Variants in PCCB observed in about 807,000 individuals in gnomAD.
The protein encoded by PCCB is propionyl-CoA carboxylase beta chain, mitochondrial.
A neutral mutation model predicts 60.7 loss-of-function variants in PCCB; 43 were observed. That is an observed-to-expected ratio of 0.71 (90% confidence interval 0.55 to 0.91). The LOEUF (loss-of-function observed/expected upper bound fraction) is 0.91. Among genes scored for constraint, PCCB ranks in the 40% least tolerant of loss-of-function variants. PCCB has a pLI of 0.00. For missense variants in PCCB, 766 were observed against 702.8 expected, an observed-to-expected ratio of 1.09 and a Z score of -1.02; for synonymous variants, 276 against 255.9, an observed-to-expected ratio of 1.08 and a Z score of -0.75.
rs1196295304 is a variant in PCCB at position 136,305,831 on chromosome 3, A to G, written c.966+4720A>G. 1.6e-5 allele frequency among the ~76,000 whole-genome samples: 2 copies of G among 121,622 alleles called. 1 individual carries two copies. The highest frequency in any genetic ancestry group is 3.7e-5 in the Non-Finnish European group (2 of 54,602). 79.8% of individuals were successfully genotyped at this position (121,622 alleles called of 152,430 possible). On this transcript the variant is annotated intron_variant, in intron 9 of 14. Transcript: ENST00000251654. ...CTTTAGAAGCTACTTAAGAGTGCAC[A>G]CACAAATCAATACGGTAGTCAGGGG...
rs139703683 is a variant in PCCB, at chr3:136,286,801, C to T, written c.654+2854C>T. On this transcript the variant is annotated intron_variant, in intron 6 of 14. Coordinates refer to ENST00000251654, the MANE Select transcript of PCCB (RefSeq NM_000532.5). The stretch of plus-strand genomic sequence containing the variant: ...CAGTGAGCGCTTTGGGAGGCTGAGG[C>T]GGGTGGATCACTTGAGGCTAGTAGT... 8.2e-4 allele frequency among the ~76,000 whole-genome samples: 125 copies of T among 152,108 alleles called. 1 individual carries two copies. Among genetic ancestry groups the T allele is most frequent in the African/African-American group, 2.7e-3 (110 of 41,502 alleles).
At chr3:136,252,662 ATTTTTTTT>A (rs962722858) in intron 1 of PCCB, among the ~76,000 whole-genome samples, 1 of 120,910 alleles carries the variant, frequency 8.3e-6, no homozygotes, top group Non-Finnish European at 1.7e-5. Flanking sequence ...TACCCAGCTA[ATTTTTTTT>A]TTTTTTTTTT....
intron 5 of PCCB, among the ~76,000 whole-genome samples, chr3:136,282,686 A>G (rs1942511881): frequency 6.6e-6 from 1 of 152,162 alleles, no homozygotes; most frequent in Non-Finnish European, 1.5e-5. Context: ...AAGAAAAGAG[A>G]ACTATACTTA....
Position 136,270,566 on chromosome 3 carries a change from C to G in PCCB, c.543+8501C>G, listed in dbSNP as rs77329453. 4.9e-3 allele frequency among the ~76,000 whole-genome samples: 738 copies of G among 152,082 alleles called. 8 individuals carry two copies. Among genetic ancestry groups the G allele is most frequent in the African/African-American group, 0.017 (718 of 41,468 alleles). ...TGTTTCTCAGGCTGGAGTACAATGG[C>G]GCGATCTCGGCTCACTGCAGTCTCC... On this transcript the variant is annotated intron_variant, in intron 5 of 14. Transcript: ENST00000251654.
At chr3:136,267,133 C>T (rs1942024416) in intron 5 of PCCB, among the ~76,000 whole-genome samples, 1 of 152,068 alleles carries the variant, frequency 6.6e-6, no homozygotes, top group Non-Finnish European at 1.5e-5. Flanking sequence ...GATCTGCCTC[C>T]CTTGGCCTCT....
intron 5 of PCCB, among the ~76,000 whole-genome samples, chr3:136,268,080 G>GTGTT (rs1445512159): frequency 9.8e-6 from 1 of 101,654 alleles, no homozygotes; most frequent in Non-Finnish European, 2.0e-5. Context: ...GTGTGTGTGT[G>GTGTT]TGTGTAGATA....
At chr3:136,255,738 G>A (rs1356213636) in intron 1 of PCCB, 118 bp from the exon 2 acceptor site, 8 of 858,568 alleles carry the variant, frequency 9.3e-6, no homozygotes, top group Middle Eastern at 3.1e-4. Flanking sequence ...TAGAATGAAA[G>A]TACTTGCATT....
chr3:136,266,995 G>A (rs1168718592), intron 5 of PCCB, among the ~76,000 whole-genome samples: 2 of 152,084 alleles, frequency 1.3e-5, no homozygotes, highest in Non-Finnish European at 2.9e-5. Flanking sequence ...TGATTCTCGT[G>A]CCTCAGTCAC....
At chr3:136,300,800 T>A (rs1410005097) in intron 8 of PCCB, among the ~76,000 whole-genome samples, 2 of 152,218 alleles carry the variant, frequency 1.3e-5, no homozygotes. Context: ...AAACTCATTT[T>A]TTCCTCTAAA....
At chr3:136,269,913 G>A (rs1418118841) in intron 5 of PCCB, among the ~76,000 whole-genome samples, 1 of 148,814 alleles carries the variant, frequency 6.7e-6, no homozygotes, top group Non-Finnish European at 1.5e-5. Flanking sequence ...AAAAATAAGA[G>A]TGGACATCCT....
intron 5 of PCCB, among the ~76,000 whole-genome samples, chr3:136,270,107 T>G (rs891320794): frequency 1.1e-4 from 16 of 152,010 alleles, no homozygotes; most frequent in African/African-American, 3.4e-4. Flanking sequence ...TGCTTTTTTC[T>G]GCATCTGTGA....
chr3:136,282,549 C>T (rs1942508249), intron 5 of PCCB, among the ~76,000 whole-genome samples: 2 of 152,114 alleles, frequency 1.3e-5, no homozygotes, highest in South Asian at 4.1e-4. Context: ...TGACTTAATT[C>T]TGGTAAGACA....
intron 6 of PCCB, among the ~76,000 whole-genome samples, chr3:136,292,866 T>C (rs1277898141): frequency 2.0e-5 from 3 of 152,154 alleles, no homozygotes; most frequent in Non-Finnish European, 4.4e-5. Flanking sequence ...ATTGGAGGCC[T>C]GGAAGTAAGG....
rs1553773141 is a variant in PCCB at position 136,250,364 on chromosome 3, G to A, written c.-12G>A. On this transcript the variant is annotated 5_prime_UTR_variant, in exon 1 of 15. Coordinates refer to ENST00000251654, the MANE Select transcript of PCCB (RefSeq NM_000532.5). ...CAGGTGCGCCGGTAGGGGACGCGCC[G>A]GCACAGCAAAAATGGCGGCGGCATT... The A allele has an allele frequency of 1.3e-6, 2 of 1,512,224 alleles. No individual in the cohort carries two copies. Among genetic ancestry groups the A allele is most frequent in the Admixed American group, 2.1e-5 (1 of 48,166 alleles). 93.7% of individuals were successfully genotyped at this position (1,512,224 alleles called of 1,614,324 possible).
At position 136,327,611 on chromosome 3, in the gene PCCB, C is replaced by G. The variant is rs761313991; in HGVS notation, c.1300-23C>G. Reference sequence around the variant, plus strand: ...GATCTGGCTGTCTCAGGCTCTAACACTCAGCATTTGGATCTGTTTTAGGCC... The same window carrying G: ...GATCTGGCTGTCTCAGGCTCTAACAGTCAGCATTTGGATCTGTTTTAGGCC... On this transcript the variant is annotated intron_variant, in intron 12 of 14. Transcript: ENST00000251654. The G allele has an allele frequency of 3.8e-6, 6 of 1,565,216 alleles. No homozygotes were observed. In the South Asian group the frequency reaches 5.5e-5, roughly 14 times the overall value.
rs1005155227 is a variant in PCCB, at chr3:136,330,134, T to G, written c.*108T>G. The G allele has an allele frequency of 6.3e-7, 1 of 1,581,968 alleles. No individual in the cohort carries two copies. Among genetic ancestry groups the G allele is most frequent in the Non-Finnish European group, 8.6e-7 (1 of 1,159,270 alleles). ...CTGGGAATCCAAATAGTTGGATAACTTAGAATAACTAAGTTTATTAAATTC... is the reference window on the plus strand; with the variant it reads ...CTGGGAATCCAAATAGTTGGATAACGTAGAATAACTAAGTTTATTAAATTC... On this transcript the variant is annotated 3_prime_UTR_variant, in exon 15 of 15. Transcript: ENST00000251654.
intron 9 of PCCB, among the ~76,000 whole-genome samples, chr3:136,313,925 G>GA (rs995213964): frequency 5.1e-4 from 77 of 152,200 alleles, no homozygotes; most frequent in Non-Finnish European, 3.2e-4. Flanking sequence ...TATGGCAAGA[G>GA]AAAAAAATCT....
At chr3:136,321,498 T>C (rs1245444602) in intron 10 of PCCB, among the ~76,000 whole-genome samples, 1 of 152,168 alleles carries the variant, frequency 6.6e-6, no homozygotes, top group Non-Finnish European at 1.5e-5. Context: ...GAAGCAGACG[T>C]TCTTCACATG....
intron 1 of PCCB, chr3:136,255,547 G>T: frequency 2.5e-6 from 1 of 395,992 alleles, no homozygotes; most frequent in Non-Finnish European, 4.8e-6. Context: ...AGTATTTGTG[G>T]AACTAATTAA....
Sources: gnomAD v4.1 joint callset for allele counts (sites outside exome capture counted in the v4.1 genomes callset) on GRCh38, gnomAD v4.1.1 for gene constraint, MANE v1.5 for transcripts, NCBI Gene and HGNC (gene_info 2026-07-23, HGNC 2026-07-21) for gene names.